The following DYM variants were observed in gnomAD, a reference collection of about 807,000 sequenced individuals.
The protein encoded by DYM is dymeclin, also known as dyggve-Melchior-Clausen syndrome protein.
DYM carries 78 observed loss-of-function variants against 93.1 expected under a neutral mutation model. The ratio of observed to expected loss-of-function variants is 0.84; its 90% CI spans 0.70 to 1.01. The LOEUF (loss-of-function observed/expected upper bound fraction) is 1.01, where lower values mean the gene tolerates loss of function less well. Among genes scored for constraint, DYM ranks in the 50% least tolerant of loss-of-function variants. The pLI is 0.00. For synonymous variants in DYM, 321 were observed against 319.7 expected (o/e 1.00, Z -0.04); for missense variants, 789 against 845.0 (o/e 0.93, Z 0.82).
At chr18:49,370,986 G>T (rs757494623) in intron 5 of DYM, among the ~76,000 whole-genome samples, 1 of 152,148 alleles carries the variant, frequency 6.6e-6, no homozygotes, top group East Asian at 1.9e-4. Flanking sequence ...AAAACACTGA[G>T]AAGTAAGCAA....
chr18:49,221,673 G>A (rs936860565), intron 13 of DYM, among the ~76,000 whole-genome samples: 12 of 152,076 alleles, frequency 7.9e-5, no homozygotes, highest in South Asian at 4.1e-4. Context: ...ACCAAACACC[G>A]CATGTTCTCA....
intron 15 of DYM, among the ~76,000 whole-genome samples, chr18:49,129,341 C>T (rs2083159554): frequency 6.6e-6 from 1 of 151,980 alleles, no homozygotes; most frequent in African/African-American, 2.4e-5. Flanking sequence ...AAAGAACGAC[C>T]CTCCTTAGTG....
chr18:49,098,798 C>T (rs1182259493), intron 16 of DYM, among the ~76,000 whole-genome samples: 1 of 151,894 alleles, frequency 6.6e-6, no homozygotes, highest in African/African-American at 2.4e-5. Flanking sequence ...CACAGCAGGT[C>T]CAAAAATTGA....
chr18:49,188,131 A>T (rs1049112637), intron 14 of DYM, among the ~76,000 whole-genome samples: 1 of 152,242 alleles, frequency 6.6e-6, no homozygotes, highest in Non-Finnish European at 1.5e-5. Flanking sequence ...ACTATAAAGC[A>T]ATCATTTTAA....
chr18:49,444,898 A>G (rs2081970283), intron 1 of DYM, among the ~76,000 whole-genome samples: 1 of 152,208 alleles, frequency 6.6e-6, no homozygotes, highest in South Asian at 2.1e-4. Context: ...GATGAAATAC[A>G]TGAAATCTCA....
At chr18:49,160,193 C>T (rs1282354073) in intron 15 of DYM, among the ~76,000 whole-genome samples, 3 of 152,108 alleles carry the variant, frequency 2.0e-5, no homozygotes, top group African/African-American at 7.2e-5. Context: ...GCATTCTCTC[C>T]CCCCACAGGC....
chr18:49,202,856 G>A lies in DYM; in HGVS notation c.1625+6695C>T, dbSNP rs2092148161. Among the ~76,000 whole-genome samples, 5 of 103,140 alleles carry A rather than the reference G, an allele frequency of 4.8e-5. No homozygotes were observed. The Admixed American group carries it at 5.5e-4, about 11-fold the overall frequency. 67.7% of individuals were successfully genotyped at this position (103,140 alleles called of 152,430 possible). On this transcript the variant is annotated intron_variant, in intron 14 of 17. Coordinates refer to ENST00000675505, the MANE Select transcript of DYM (RefSeq NM_001353214.3). ...GCCCGGCAGCCACCCCATCTGGGAA[G>A]TGAGGAGCGTCTCCGCCCGGCAGCC...
intron 14 of DYM, 52 bp downstream of exon 14, chr18:49,209,499 C>T (rs1357322876): frequency 1.8e-6 from 2 of 1,134,840 alleles, no homozygotes; most frequent in Non-Finnish European, 1.1e-6. Flanking sequence ...ATGCAATTGT[C>T]AGTCATATAC....
At chr18:49,410,766 C>T (rs2072152834) in intron 2 of DYM, among the ~76,000 whole-genome samples, 1 of 151,824 alleles carries the variant, frequency 6.6e-6, no homozygotes, top group Admixed American at 6.6e-5. Context: ...ACAGCAAAAC[C>T]CTGTCTCAAA....
chr18:49,138,226 A>C (rs909400959), intron 15 of DYM, among the ~76,000 whole-genome samples: 1 of 152,228 alleles, frequency 6.6e-6, no homozygotes. Flanking sequence ...TAAAAGAATG[A>C]TTATAACCTT....
intron 17 of DYM, among the ~76,000 whole-genome samples, chr18:49,096,090 C>T (rs1186764836): frequency 6.6e-6 from 1 of 152,082 alleles, no homozygotes; most frequent in South Asian, 2.1e-4. Flanking sequence ...CAAGGTCTTA[C>T]TTTATGTAAA....
chr18:49,307,765 T>A (rs1004871096), intron 8 of DYM, among the ~76,000 whole-genome samples: 2 of 152,200 alleles, frequency 1.3e-5, no homozygotes, highest in East Asian at 3.8e-4. Context: ...ACATGAAAAC[T>A]GGCAGAAGTA....
At chr18:49,085,179 C>T (rs997437450) in intron 17 of DYM, among the ~76,000 whole-genome samples, 2 of 152,032 alleles carry the variant, frequency 1.3e-5, no homozygotes, top group Non-Finnish European at 2.9e-5. Context: ...AATAAACTTC[C>T]GAAATTGGGT....
At chr18:49,406,870 T>C (rs1022294959) in intron 2 of DYM, among the ~76,000 whole-genome samples, 1 of 152,232 alleles carries the variant, frequency 6.6e-6, no homozygotes, top group African/African-American at 2.4e-5. Flanking sequence ...TGAAAACTTA[T>C]GTTCACTCAA....
At chr18:49,296,502 T>A (rs1374656740) in intron 8 of DYM, among the ~76,000 whole-genome samples, 1 of 152,086 alleles carries the variant, frequency 6.6e-6, no homozygotes, top group Non-Finnish European at 1.5e-5. Flanking sequence ...GCAGCTTCAG[T>A]CTAAAGGAGA....
chr18:49,122,599 T>C (rs2082476947), intron 15 of DYM, among the ~76,000 whole-genome samples: 1 of 152,208 alleles, frequency 6.6e-6, no homozygotes. Context: ...TATAGTGAGT[T>C]GTATAATTAT....
At chr18:49,058,717 C>T (rs1360312365) in intron 17 of DYM, among the ~76,000 whole-genome samples, 3 of 152,154 alleles carry the variant, frequency 2.0e-5, no homozygotes, top group African/African-American at 7.2e-5. Flanking sequence ...AATTAAACAA[C>T]ATTGAGAGTT....
chr18:49,391,782 C>G (rs1485727798), intron 2 of DYM, 137 bp from the exon 3 acceptor site: 1 of 633,104 alleles, frequency 1.6e-6, no homozygotes, highest in African/African-American at 1.9e-5. Flanking sequence ...ACAATAAGAT[C>G]AGCAAAAAAA....
At chr18:49,370,387 C>T (rs1489734223) in intron 5 of DYM, among the ~76,000 whole-genome samples, 1 of 152,150 alleles carries the variant, frequency 6.6e-6, no homozygotes, top group Admixed American at 6.5e-5. Flanking sequence ...TTCCCACCAC[C>T]CCCACTTTGT....
Sources: allele counts gnomAD v4.1 joint callset (sites outside exome capture counted in the v4.1 genomes callset), GRCh38; gene constraint gnomAD v4.1.1; transcripts MANE v1.5; gene names NCBI Gene and HGNC (gene_info 2026-07-23, HGNC 2026-07-21).